Variants in KIAA1958 observed in about 807,000 individuals in gnomAD.
The protein encoded by KIAA1958 is KIAA1958, also known as uncharacterized protein KIAA1958.
In KIAA1958, 14 loss-of-function variants were observed where a neutral mutation model predicts 47.2. The ratio of observed to expected loss-of-function variants is 0.30; its 90% CI spans 0.20 to 0.46. The LOEUF is 0.46. Ranked by LOEUF, KIAA1958 falls within the 20% of genes least tolerant of loss-of-function variation. KIAA1958 has a pLI of 1.00. For synonymous variants in KIAA1958, 354 were observed against 353.3 expected (o/e 1.00, Z -0.02); for missense variants, 803 against 909.2 (o/e 0.88, Z 1.50).
At chr9:112,571,814 CA>C (rs900511137) in intron 1 of KIAA1958, among the ~76,000 whole-genome samples, 1 of 137,958 alleles carries the variant, frequency 7.2e-6, no homozygotes, top group East Asian at 2.1e-4. Flanking sequence ...TAAATAAAAA[CA>C]AAAAATAAAA....
At chr9:112,557,863 A>G (rs891251310) in intron 1 of KIAA1958, among the ~76,000 whole-genome samples, 1 of 152,216 alleles carries the variant, frequency 6.6e-6, no homozygotes, top group African/African-American at 2.4e-5. Context: ...AGTATAAGAA[A>G]ATGTTATAGG....
chr9:112,524,070 A>G (rs1056616726), intron 1 of KIAA1958, among the ~76,000 whole-genome samples: 9 of 152,136 alleles, frequency 5.9e-5, no homozygotes, highest in Non-Finnish European at 1.5e-5. Flanking sequence ...ACCATTTCCC[A>G]TCTATATCTC....
intron 1 of KIAA1958, among the ~76,000 whole-genome samples, chr9:112,528,999 T>C (rs1401916713): frequency 1.3e-5 from 2 of 152,230 alleles, no homozygotes; most frequent in Non-Finnish European, 2.9e-5. Context: ...AATAAAGGAA[T>C]AATGCAGAAT....
At chr9:112,522,053 C>T (rs891348234) in intron 1 of KIAA1958, among the ~76,000 whole-genome samples, 1 of 152,018 alleles carries the variant, frequency 6.6e-6, no homozygotes, top group Non-Finnish European at 1.5e-5. Flanking sequence ...CTCACTGCAA[C>T]CTCCGCCTCC....
intron 1 of KIAA1958, among the ~76,000 whole-genome samples, chr9:112,545,825 G>GTGTTTTTTTTTTTTTTTTTTTTTTTTT (rs60211721): frequency 1.1e-5 from 1 of 93,040 alleles, no homozygotes; most frequent in Non-Finnish European, 2.1e-5. Context: ...AGGTTTCTTT[G>GTGTTTTTTTTTTTTTTTTTTTTTTTTT]TTTTTTTTTT....
intron 2 of KIAA1958, among the ~76,000 whole-genome samples, chr9:112,575,778 TTTCTC>T (rs1427329086): frequency 1.3e-5 from 2 of 152,230 alleles, no homozygotes; most frequent in East Asian, 3.8e-4. Context: ...TATTTGATCT[TTTCTC>T]TTAAAATTTA....
At chr9:112,617,971 C>A in intron 2 of KIAA1958, 2 of 1,550,564 alleles carry the variant, frequency 1.3e-6, no homozygotes, top group South Asian at 2.4e-5. Context: ...TCCTCATCTC[C>A]AAGTATCCTT....
At chr9:112,497,673 T>C (rs1225105875) in intron 1 of KIAA1958, among the ~76,000 whole-genome samples, 1 of 149,426 alleles carries the variant, frequency 6.7e-6, no homozygotes, top group Non-Finnish European at 1.5e-5. Flanking sequence ...TTCAATACAG[T>C]TTTTTTTTTA....
At chr9:112,602,715 A>G (rs955509535) in intron 2 of KIAA1958, among the ~76,000 whole-genome samples, 9 of 152,298 alleles carry the variant, frequency 5.9e-5, no homozygotes, top group Admixed American at 5.9e-4. Context: ...AGAAGCTTCC[A>G]GCGGCCTCAT....
intron 1 of KIAA1958, among the ~76,000 whole-genome samples, chr9:112,504,159 T>G (rs1465256035): frequency 2.0e-5 from 3 of 151,842 alleles, no homozygotes; most frequent in Admixed American, 6.6e-5. Flanking sequence ...TCTTTCAGGG[T>G]TTGAACCAGA....
chr9:112,523,470 C>T (rs776961902), intron 1 of KIAA1958, among the ~76,000 whole-genome samples: 1 of 103,066 alleles, frequency 9.7e-6, no homozygotes, highest in Non-Finnish European at 2.1e-5. Flanking sequence ...ATAAATAAAG[C>T]ACCAACCGGT....
chr9:112,561,017 G>T (rs1015421513), intron 1 of KIAA1958, among the ~76,000 whole-genome samples: 5 of 151,098 alleles, frequency 3.3e-5, no homozygotes, highest in African/African-American at 1.2e-4. Flanking sequence ...GGTTTTTATG[G>T]TTTTATGCTC....
chr9:112,567,542 C>G (rs1835446877), intron 1 of KIAA1958, among the ~76,000 whole-genome samples: 1 of 152,162 alleles, frequency 6.6e-6, no homozygotes. Flanking sequence ...CCCAAAACCC[C>G]ACCCAGTGAC....
chr9:112,600,923 A>G (rs954519572), intron 2 of KIAA1958, among the ~76,000 whole-genome samples: 1 of 152,234 alleles, frequency 6.6e-6, no homozygotes, highest in Non-Finnish European at 1.5e-5. Flanking sequence ...CTTAAGAGAT[A>G]GGTACAGTTT....
intron 1 of KIAA1958, 106 bp from the exon 2 acceptor site, chr9:112,573,951 G>GTTTTT: frequency 1.9e-6 from 1 of 537,012 alleles, no homozygotes; most frequent in Non-Finnish European, 3.1e-6. Flanking sequence ...TTTGAAGTGC[G>GTTTTT]TTTTTTTTTT....
At chr9:112,585,311 T>C (rs906727626) in intron 2 of KIAA1958, among the ~76,000 whole-genome samples, 1 of 152,150 alleles carries the variant, frequency 6.6e-6, no homozygotes, top group African/African-American at 2.4e-5. Context: ...AAAATATAGC[T>C]GAAGATTTAT....
intron 1 of KIAA1958, among the ~76,000 whole-genome samples, chr9:112,496,231 CGAT>C (rs765228494): frequency 2.6e-5 from 4 of 152,094 alleles, no homozygotes; most frequent in Non-Finnish European, 5.9e-5. Flanking sequence ...TACTGTAGAT[CGAT>C]GAGAATGATA....
At chr9:112,617,898 G>T (rs1044146856) in intron 2 of KIAA1958, 2 of 1,550,030 alleles carry the variant, frequency 1.3e-6, no homozygotes, top group Non-Finnish European at 1.7e-6. Flanking sequence ...GCTGAGCTCA[G>T]CAGGGAGCAG....
intron 1 of KIAA1958, among the ~76,000 whole-genome samples, chr9:112,523,444 T>TTAAATAAATAAATAAA (rs34030752): frequency 8.0e-5 from 12 of 150,254 alleles, no homozygotes; most frequent in African/African-American, 2.7e-4. Flanking sequence ...AAGTGTCTTA[T>TTAAATAAATAAATAAA]TAAATAAATA....
Sources: allele counts gnomAD v4.1 joint callset (sites outside exome capture counted in the v4.1 genomes callset), GRCh38; gene constraint gnomAD v4.1.1; transcripts MANE v1.5; gene names NCBI Gene and HGNC (gene_info 2026-07-23, HGNC 2026-07-21).